POF1B: variants seen among roughly 807,000 people sequenced by gnomAD.
POF1B encodes the protein POF1B actin binding protein.
In POF1B, 53 loss-of-function variants were observed where a neutral mutation model predicts 55.3. That is an observed-to-expected ratio of 0.96 (90% CI 0.77 to 1.20). The LOEUF is 1.20. Ranked by LOEUF, POF1B falls within the 50% of genes most tolerant of loss-of-function variation. The pLI, the probability that POF1B is intolerant of heterozygous loss-of-function variation, is 0.00. For missense variants in POF1B, 478 were observed against 420.5 expected (o/e 1.14, Z -1.20); for synonymous variants, 188 against 148.3 (o/e 1.27, Z -1.95).
chrX:85,313,665 G>A (rs1932756357), intron 9 of POF1B, among the ~76,000 whole-genome samples: 1 of 110,962 alleles, frequency 9.0e-6, no homozygotes, highest in African/African-American at 3.3e-5. Context: ...GCCAGATTTT[G>A]GTATCAGGAT....
intron 6 of POF1B, among the ~76,000 whole-genome samples, chrX:85,344,567 T>C (rs1167633666): frequency 9.0e-6 from 1 of 111,510 alleles, no homozygotes; most frequent in Non-Finnish European, 1.9e-5. Flanking sequence ...GGTTGAACTG[T>C]ATAAAATTGT....
chrX:85,282,309 G>A lies in POF1B; in HGVS notation c.1658C>T (p.Thr553Ile). 1.8e-6 allele frequency: 2 copies of A among 1,131,882 alleles called. No homozygotes were observed. The highest frequency in any genetic ancestry group is 2.4e-6 in the Non-Finnish European group (2 of 850,539). The allele number at this position is 1,131,882 out of a possible 1,213,427, so 93.3% of individuals were successfully genotyped here. The change falls in exon 16 of 17, where the codon ACA becomes ATA. Residue 553 changes from threonine to isoleucine, a missense_variant. Coordinates refer to ENST00000262753, the MANE Select transcript of POF1B (RefSeq NM_024921.4). ...RTTITTKKYRTQYPILGLLYD... is the reference protein window; with the variant it reads ...RTTITTKKYRIQYPILGLLYD... ...TAGGAGGCCTAGGATTGGATATTGT[G>A]TCCTGTACCTGTTGGCAAGAAAAGA...
intron 6 of POF1B, 46 bp from the exon 7 acceptor site, chrX:85,331,125 T>G: frequency 8.8e-7 from 1 of 1,132,562 alleles, no homozygotes. Context: ...TAAGTTTTTC[T>G]AAGTTCATAG....
chrX:85,304,011 A>G (rs929131477), intron 14 of POF1B, among the ~76,000 whole-genome samples: 21 of 110,772 alleles, frequency 1.9e-4, no homozygotes, highest in African/African-American at 6.3e-4. Flanking sequence ...ACAAGGAGGA[A>G]TATAACACAT....
intron 6 of POF1B, among the ~76,000 whole-genome samples, chrX:85,337,886 G>A (rs981430439): frequency 3.6e-5 from 4 of 111,522 alleles, no homozygotes; most frequent in Non-Finnish European, 5.7e-5. Flanking sequence ...ATTGCAGAAG[G>A]CATCAAATAA....
chrX:85,377,086 C>T (rs1426284418), intron 2 of POF1B, among the ~76,000 whole-genome samples: 1 of 111,730 alleles, frequency 9.0e-6, no homozygotes. Flanking sequence ...TCATCTGAAA[C>T]GTGGTTTATT....
chrX:85,320,668 G>A (rs969325942), intron 7 of POF1B, among the ~76,000 whole-genome samples: 3 of 110,858 alleles, frequency 2.7e-5, no homozygotes, highest in African/African-American at 9.8e-5. Context: ...TTTTTTGAAA[G>A]GATCAGCAAA....
intron 7 of POF1B, among the ~76,000 whole-genome samples, chrX:85,327,812 A>T (rs1417415251): frequency 2.7e-5 from 3 of 112,351 alleles, no homozygotes; most frequent in African/African-American, 9.7e-5. Context: ...CCTGGTATAC[A>T]TGTCCCTAGT....
In POF1B at chrX:85,282,297, A is replaced by G. The variant is rs1931920893; in HGVS notation, c.1670T>C (p.Ile557Thr). The change falls in exon 16 of 17, where the codon ATC becomes ACC. Residue 557 changes from isoleucine to threonine, a missense_variant. Physicochemically the swap from Ile to Thr is moderately conservative, Grantham distance 89. Transcript: ENST00000262753. ...GTAGTCATCATATAGGAGGCCTAGG[A>G]TTGGATATTGTGTCCTGTACCTGTT... ...TTKKYRTQYPILGLLYDDYEY... is the reference protein window; with the variant it reads ...TTKKYRTQYPTLGLLYDDYEY... 8.6e-7 allele frequency: 1 copy of G among 1,169,148 alleles called. No homozygotes were observed. Among genetic ancestry groups the G allele is most frequent in the Non-Finnish European group, 1.1e-6 (1 of 870,502 alleles).
intron 6 of POF1B, among the ~76,000 whole-genome samples, chrX:85,338,546 G>A (rs1470376878): frequency 9.0e-6 from 1 of 111,715 alleles, no homozygotes; most frequent in Non-Finnish European, 1.9e-5. Context: ...TCTTTCTCAT[G>A]GGAAAATAAA....
chrX:85,347,607 T>C (rs60490207), intron 5 of POF1B, among the ~76,000 whole-genome samples: 4,098 of 111,017 alleles, frequency 0.037, 160 homozygotes, highest in African/African-American at 0.11. Flanking sequence ...TTTTTTATAC[T>C]TTAAAATTTT....
At chrX:85,323,405 C>T (rs1214045326) in intron 7 of POF1B, among the ~76,000 whole-genome samples, 1 of 94,686 alleles carries the variant, frequency 1.1e-5, no homozygotes, top group African/African-American at 4.0e-5. Context: ...TGAGAACACA[C>T]GGACACAGGA....
intron 7 of POF1B, among the ~76,000 whole-genome samples, chrX:85,322,606 A>G (rs1231000315): frequency 1.8e-5 from 2 of 111,945 alleles, no homozygotes; most frequent in Non-Finnish European, 3.8e-5. Flanking sequence ...GATCTAATTA[A>G]ACTAAAGAGC....
At chrX:85,346,667 C>T (rs2147935240) in intron 5 of POF1B, among the ~76,000 whole-genome samples, 1 of 110,225 alleles carries the variant, frequency 9.1e-6, no homozygotes, top group Admixed American at 9.8e-5. Flanking sequence ...CCATTTTTCC[C>T]ATTTATAAAA....
chrX:85,342,191 A>C (rs1195066575), intron 6 of POF1B, among the ~76,000 whole-genome samples: 1 of 111,799 alleles, frequency 8.9e-6, no homozygotes, highest in Admixed American at 9.5e-5. Flanking sequence ...ATTTGAAATC[A>C]AAAGGGTGAT....
At chrX:85,311,244 G>T (rs1026898356) in intron 9 of POF1B, among the ~76,000 whole-genome samples, 1 of 111,057 alleles carries the variant, frequency 9.0e-6, no homozygotes, top group African/African-American at 3.3e-5. Context: ...GGATACATGT[G>T]CAGAACGTGC....
chrX:85,285,702 A>T (rs970412112), intron 15 of POF1B, among the ~76,000 whole-genome samples: 5 of 108,971 alleles, frequency 4.6e-5, no homozygotes, highest in Non-Finnish European at 1.9e-5. Context: ...CCTAATACAA[A>T]TGATGAGTTA....
chrX:85,339,393 G>A (rs1263492215), intron 6 of POF1B, among the ~76,000 whole-genome samples: 2 of 111,082 alleles, frequency 1.8e-5, no homozygotes, highest in African/African-American at 3.3e-5. Flanking sequence ...TATATCAGGG[G>A]CCAAGAATGG....
intron 6 of POF1B, among the ~76,000 whole-genome samples, chrX:85,336,757 T>C (rs1233247731): frequency 9.0e-6 from 1 of 111,692 alleles, no homozygotes; most frequent in Non-Finnish European, 1.9e-5. Flanking sequence ...CTCTGTGGGT[T>C]GTCTCTTCAC....
Sources: gnomAD v4.1 joint callset for allele counts (sites outside exome capture counted in the v4.1 genomes callset) on GRCh38, gnomAD v4.1.1 for gene constraint, MANE v1.5 for transcripts, NCBI Gene and HGNC (gene_info 2026-07-23, HGNC 2026-07-21) for gene names.